RPS6KA2: variants seen among roughly 807,000 people sequenced by gnomAD.
RPS6KA2 encodes ribosomal protein S6 kinase alpha-2.
In RPS6KA2, 42 loss-of-function variants were observed where a neutral mutation model predicts 91.8. The ratio of observed to expected loss-of-function variants is 0.46; its 90% confidence interval spans 0.36 to 0.59. RPS6KA2 has a LOEUF of 0.59. RPS6KA2 is among the 20% of genes least tolerant of loss of function. The probability of loss-of-function intolerance (pLI) is 0.00; values close to 1 mark genes in which losing one functional copy is unlikely to be tolerated. For missense variants in RPS6KA2, 798 were observed against 978.5 expected, an observed-to-expected ratio of 0.82 and a Z score of 2.46; for synonymous variants, 414 against 393.6, an observed-to-expected ratio of 1.05 and a Z score of -0.61.
At chr6:166,745,834 C>T (rs545403057) in intron 2 of RPS6KA2, among the ~76,000 whole-genome samples, 239 of 152,244 alleles carry the variant, frequency 1.6e-3, no homozygotes, top group African/African-American at 5.5e-3. Flanking sequence ...AATTATCTAC[C>T]GAAATGTGGA....
intron 2 of RPS6KA2, among the ~76,000 whole-genome samples, chr6:166,747,016 A>G (rs6914826): frequency 0.7 from 106,609 of 152,172 alleles, 38,163 homozygotes; most frequent in African/African-American, 0.86. Context: ...GACCCTGCGG[A>G]ATCCTCCGGC....
chr6:166,760,751 TG>T (rs1562423926), intron 2 of RPS6KA2, among the ~76,000 whole-genome samples: 1 of 152,142 alleles, frequency 6.6e-6, no homozygotes, highest in Non-Finnish European at 1.5e-5. Context: ...AAGAATCGGA[TG>T]GGGGAAATGG....
At chr6:166,607,704 T>TA (rs1371205363) in intron 1 of RPS6KA2, among the ~76,000 whole-genome samples, 1 of 152,228 alleles carries the variant, frequency 6.6e-6, no homozygotes, top group Non-Finnish European at 1.5e-5. Context: ...TGAATACACT[T>TA]AAAACATGGA....
intron 2 of RPS6KA2, among the ~76,000 whole-genome samples, chr6:166,633,493 T>C (rs1787144776): frequency 6.6e-6 from 1 of 152,226 alleles, no homozygotes; most frequent in Non-Finnish European, 1.5e-5. Flanking sequence ...GGCTTACTTC[T>C]GTGGAAAATA....
chr6:166,479,545 AG>A (rs763776758), intron 10 of RPS6KA2, among the ~76,000 whole-genome samples: 16 of 152,290 alleles, frequency 1.1e-4, no homozygotes, highest in Admixed American at 5.2e-4. Context: ...AGCCATGGTG[AG>A]GTGGCAGCAT....
chr6:166,675,525 C>A (rs1417283896), intron 2 of RPS6KA2, among the ~76,000 whole-genome samples: 2 of 152,154 alleles, frequency 1.3e-5, no homozygotes, highest in Non-Finnish European at 2.9e-5. Context: ...CCCTCCCCAG[C>A]CCCAGCGCGA....
chr6:166,744,692 A>C (rs1208655214), intron 2 of RPS6KA2, among the ~76,000 whole-genome samples: 5 of 152,112 alleles, frequency 3.3e-5, no homozygotes, highest in Non-Finnish European at 7.4e-5. Flanking sequence ...GGCAGGCCCC[A>C]GGAGAGGAGG....
chr6:166,811,744 C>G (rs1562452094), intron 2 of RPS6KA2, among the ~76,000 whole-genome samples: 8 of 152,234 alleles, frequency 5.3e-5, no homozygotes, highest in African/African-American at 1.9e-4. Context: ...TTTTGCAAAT[C>G]TGAGTGCAGT....
At chr6:166,757,663 G>C (rs1469337838) in intron 2 of RPS6KA2, 1 of 454,024 alleles carries the variant, frequency 2.2e-6, no homozygotes, top group Non-Finnish European at 4.4e-6. Context: ...TTATCACCTT[G>C]TGGGCTGCTG....
intron 2 of RPS6KA2, among the ~76,000 whole-genome samples, chr6:166,857,105 G>A (rs1429360372): frequency 6.6e-6 from 1 of 152,162 alleles, no homozygotes; most frequent in Non-Finnish European, 1.5e-5. Context: ...AAGATCCAGC[G>A]ACACTTGGCT....
Position 166,688,456 on chromosome 6 carries a change from C to T in RPS6KA2, c.124-149672G>A, listed in dbSNP as rs556153728. 3.3e-5 allele frequency among the ~76,000 whole-genome samples: 5 copies of T among 152,220 alleles called. No individual in the cohort carries two copies. The South Asian group carries it at 8.3e-4, about 25-fold the overall frequency. On this transcript the variant is annotated intron_variant, in intron 2 of 21. Transcript: ENST00000503859. ...GTGCAGCTGCAGAGGGAGCTGGCCA[C>T]GGGTGGCTGGGTTCACAAGTCAGGA... is the stretch of plus-strand genomic sequence containing the variant.
rs1778397775 is a variant in RPS6KA2 at position 166,413,696 on chromosome 6, C to T, written c.2076+98G>A. On this transcript the variant is annotated intron_variant, in intron 20 of 20. Coordinates refer to ENST00000265678, the MANE Select transcript of RPS6KA2 (RefSeq NM_021135.6). ...TTTGGGGCTGCTATGGGCTCTTTCT[C>T]TGCACTCTGTGGTTTCTTCGGAGTG... 7 of 1,328,714 alleles carry T rather than the reference C, an allele frequency of 5.3e-6. No individual in the cohort carries two copies. In the Middle Eastern group the frequency reaches 7.5e-4, roughly 143 times the overall value. The allele number at this position is 1,328,714 out of a possible 1,614,324, so 82.3% of individuals were successfully genotyped here.
At chr6:166,598,245 A>G (rs546332302) in intron 1 of RPS6KA2, among the ~76,000 whole-genome samples, 1 of 152,302 alleles carries the variant, frequency 6.6e-6, no homozygotes, top group Admixed American at 6.5e-5. Flanking sequence ...ATTTCCTTTG[A>G]TGCTTTCCCT....
At chr6:166,482,216 A>G (rs1368732314) in intron 10 of RPS6KA2, among the ~76,000 whole-genome samples, 2 of 152,236 alleles carry the variant, frequency 1.3e-5, no homozygotes, top group Non-Finnish European at 2.9e-5. Flanking sequence ...AAGTTCTCTG[A>G]TGAGACGGGA....
rs1375613582 is a variant in RPS6KA2 at position 166,825,203 on chromosome 6, C to T, written c.123+32997G>A. Reference sequence around the variant, plus strand: ...AATGGGGGCTCTGAGTTGAGGGGTGCTGGATGCTGAGGGGAGGGGGCAAAG... The same window carrying T: ...AATGGGGGCTCTGAGTTGAGGGGTGTTGGATGCTGAGGGGAGGGGGCAAAG... On this transcript the variant is annotated intron_variant, in intron 2 of 21. Transcript: ENST00000503859. This position sits in a 1 kb window ranked among gnomAD's most constrained non-coding sequence, Gnocchi z 4.1. 1.3e-5 allele frequency among the ~76,000 whole-genome samples: 2 copies of T among 152,166 alleles called. No homozygotes were observed. Among genetic ancestry groups the T allele is most frequent in the African/African-American group, 2.4e-5 (1 of 41,424 alleles).
chr6:166,523,915 G>GTCACTACACACAGC (rs1020224530), intron 3 of RPS6KA2, among the ~76,000 whole-genome samples: 3 of 152,190 alleles, frequency 2.0e-5, no homozygotes, highest in Admixed American at 6.5e-5. Flanking sequence ...GTCTATGCGG[G>GTCACTACACACAGC]TCACTACACA....
chr6:166,434,847 G>C lies in RPS6KA2; in HGVS notation c.1333-2357C>G, dbSNP rs1310657580. ...GCAGGTGCATCCTACGCCATCCCTTGTTTTAAAAATGGAGAGAAGAATGCA... is the reference window on the plus strand; with the variant it reads ...GCAGGTGCATCCTACGCCATCCCTTCTTTTAAAAATGGAGAGAAGAATGCA... On this transcript the variant is annotated intron_variant, in intron 14 of 20. Transcript: ENST00000265678. This position sits in a 1 kb window ranked among gnomAD's most constrained non-coding sequence, Gnocchi z 4.4. 6.6e-6 allele frequency among the ~76,000 whole-genome samples: 1 copy of C among 152,110 alleles called. No individual in the cohort carries two copies. The highest frequency in any genetic ancestry group is 2.4e-5 in the African/African-American group (1 of 41,420).
intron 6 of RPS6KA2, among the ~76,000 whole-genome samples, chr6:166,503,368 A>G (rs1782087365): frequency 6.6e-6 from 1 of 152,248 alleles, no homozygotes; most frequent in African/African-American, 2.4e-5. Context: ...GCTGTTTCCC[A>G]TAGATGACAG....
intron 2 of RPS6KA2, among the ~76,000 whole-genome samples, chr6:166,536,004 T>G (rs1027967960): frequency 6.6e-6 from 1 of 152,230 alleles, no homozygotes; most frequent in African/African-American, 2.4e-5. Context: ...AGGCAGGCAA[T>G]GGGACAAGTC....
Sources: allele counts gnomAD v4.1 joint callset (sites outside exome capture counted in the v4.1 genomes callset), GRCh38; gene constraint gnomAD v4.1.1; non-coding constraint Gnocchi (gnomAD v3.1); transcripts MANE v1.5; gene names NCBI Gene and HGNC (gene_info 2026-07-23, HGNC 2026-07-21).